LARP6: variants seen among roughly 807,000 people sequenced by gnomAD.
LARP6 encodes the protein la-related protein 6.
In LARP6, 18 loss-of-function variants were observed where a neutral mutation model predicts 32.8. The ratio of observed to expected loss-of-function variants is 0.55; its 90% CI spans 0.38 to 0.81. The LOEUF is 0.81. Ranked by LOEUF, LARP6 falls within the 40% of genes least tolerant of loss-of-function variation. LARP6 has a pLI of 0.00. For synonymous variants in LARP6, 289 were observed against 267.2 expected, an observed-to-expected ratio of 1.08 and a Z score of -0.80; for missense variants, 598 against 663.1, an observed-to-expected ratio of 0.90 and a Z score of 1.08.
In LARP6 at chr15:70,853,960, G is replaced by A; in HGVS notation, c.129C>T (p.Ala43=). Residue 43 remains alanine, a synonymous_variant, in exon 1 of 3, where the codon GCC becomes GCT. Transcript: ENST00000299213. ...DEEEGAETRG[A]GDPARYLSPG... is the part of the protein sequence containing the mutation. ...GGCTGAGGTACCGGGCCGGGTCCCC[G>A]GCGCCCCGAGTCTCCGCCCCCTCCT... 3 of 1,454,244 alleles carry A rather than the reference G, an allele frequency of 2.1e-6. No individual in the cohort carries two copies. The highest frequency in any genetic ancestry group is 2.7e-6 in the Non-Finnish European group (3 of 1,098,384). 90.1% of individuals were successfully genotyped at this position (1,454,244 alleles called of 1,614,324 possible). A position where few individuals can be genotyped will look rare whatever the true frequency, so the allele number is the denominator to read the frequency against.
intron 1 of LARP6, among the ~76,000 whole-genome samples, chr15:70,841,068 C>T (rs2032247615): frequency 6.6e-6 from 1 of 152,098 alleles, no homozygotes; most frequent in Non-Finnish European, 1.5e-5. Context: ...CGCCCGCCAC[C>T]GCGCCCGGCT....
chr15:70,837,395 A>ATAT (rs900807666), intron 1 of LARP6, among the ~76,000 whole-genome samples: 1 of 152,028 alleles, frequency 6.6e-6, no homozygotes, highest in African/African-American at 2.4e-5. Flanking sequence ...AATAATAATA[A>ATAT]TAATAATTAT....
At position 70,832,292 on chromosome 15, in the gene LARP6, G is replaced by A. The variant is rs1250834595; in HGVS notation, c.1236C>T (p.Ile412=). ...GRLNCSTSPE[I]FRKCMDYSSD... is the part of the protein sequence containing the mutation. ...AGGAATAATCCATACACTTGCGGAA[G>A]ATCTCAGGGCTGGTGCTGCAGTTCA... Residue 412 remains isoleucine, a synonymous_variant, in exon 3 of 3, where the codon ATC becomes ATT. Transcript: ENST00000299213. 1 of 1,614,118 alleles carries A rather than the reference G, an allele frequency of 6.2e-7. No individual in the cohort carries two copies. The highest frequency in any genetic ancestry group is 8.5e-7 in the Non-Finnish European group (1 of 1,180,040).
intron 2 of LARP6, among the ~76,000 whole-genome samples, chr15:70,835,665 G>A (rs1259618735): frequency 6.6e-6 from 1 of 152,202 alleles, no homozygotes; most frequent in Non-Finnish European, 1.5e-5. Flanking sequence ...GAGACACAGA[G>A]TTCTTACTCC....
At chr15:70,834,341 A>G (rs184168036) in intron 2 of LARP6, among the ~76,000 whole-genome samples, 2 of 152,306 alleles carry the variant, frequency 1.3e-5, no homozygotes, top group Non-Finnish European at 2.9e-5. Flanking sequence ...GGCACAGAGA[A>G]GCAGGCCCAG....
At position 70,830,100 on chromosome 15, in the gene LARP6, C is replaced by T. The variant is rs1265083744; in HGVS notation, c.*1952G>A. 3 of 152,242 alleles carry T rather than the reference C, an allele frequency of 2.0e-5. No individual in the cohort carries two copies. Among genetic ancestry groups the T allele is most frequent in the Admixed American group, 6.5e-5 (1 of 15,282 alleles). 9.4% of individuals were successfully genotyped at this position (152,242 alleles called of 1,614,324 possible). A position where few individuals can be genotyped will look rare whatever the true frequency, so the allele number is the denominator to read the frequency against. ...GCCCAAGGTCAGGAGTCCTGGTGGTCTAGGCACAAGCCTTCAGGCTACCTA... is the reference window on the plus strand; with the variant it reads ...GCCCAAGGTCAGGAGTCCTGGTGGTTTAGGCACAAGCCTTCAGGCTACCTA... On this transcript the variant is annotated 3_prime_UTR_variant, in exon 3 of 3. Coordinates refer to ENST00000299213, the MANE Select transcript of LARP6 (RefSeq NM_018357.4).
At chr15:70,838,714 A>G (rs901813346) in intron 1 of LARP6, among the ~76,000 whole-genome samples, 3 of 152,220 alleles carry the variant, frequency 2.0e-5, no homozygotes, top group Non-Finnish European at 4.4e-5. Context: ...TTTAGAGAAT[A>G]CTGATTATCC....
intron 1 of LARP6, among the ~76,000 whole-genome samples, chr15:70,840,352 C>T (rs561581573): frequency 1.1e-4 from 16 of 152,208 alleles, no homozygotes; most frequent in South Asian, 8.3e-4. Flanking sequence ...CCAGCCTGGC[C>T]AACATGGTGA....
rs906102589 is a variant in LARP6, at chr15:70,841,001, C to T, written c.201-4496G>A. ...CTGTCTCGGCTCACTGCAAGCTCCGCCTCCTGGGTTCATGCCATTCTCCTG... is the reference window on the plus strand; with the variant it reads ...CTGTCTCGGCTCACTGCAAGCTCCGTCTCCTGGGTTCATGCCATTCTCCTG... On this transcript the variant is annotated intron_variant, in intron 1 of 2. Transcript: ENST00000299213. 5.3e-5 allele frequency among the ~76,000 whole-genome samples: 8 copies of T among 151,756 alleles called. No homozygotes were observed. The East Asian group carries it at 1.4e-3, about 27-fold the overall frequency.
chr15:70,850,059 G>A (rs946100902), intron 1 of LARP6, among the ~76,000 whole-genome samples: 1 of 152,100 alleles, frequency 6.6e-6, no homozygotes, highest in Non-Finnish European at 1.5e-5. Flanking sequence ...AAAATAATTA[G>A]GTGAAAAGTC....
At chr15:70,851,995 T>C (rs2032474804) in intron 1 of LARP6, 2 of 450,400 alleles carry the variant, frequency 4.4e-6, no homozygotes, top group African/African-American at 4.0e-5. Context: ...GTTGACAGCG[T>C]GAACTGTTGA....
chr15:70,838,229 T>C (rs1162843057), intron 1 of LARP6, among the ~76,000 whole-genome samples: 1 of 152,222 alleles, frequency 6.6e-6, no homozygotes, highest in Non-Finnish European at 1.5e-5. Flanking sequence ...TAAGTAAATT[T>C]AGGCAAGGAA....
chr15:70,847,323 AGG>A lies in LARP6; in HGVS notation c.200+6564_200+6565del, dbSNP rs1166158614. Among the ~76,000 whole-genome samples the A allele has an allele frequency of 2.6e-5, 4 of 152,212 alleles. No individual in the cohort carries two copies. In the East Asian group the frequency reaches 7.7e-4, roughly 29 times the overall value. On this transcript the variant is annotated intron_variant, in intron 1 of 2. Coordinates refer to ENST00000299213, the MANE Select transcript of LARP6 (RefSeq NM_018357.4). ...ACCTGTGAGAAATGGGTAGAAATAA[AGG>A]GGTACATTTTAAAACAGGTAATTGG... is the stretch of plus-strand genomic sequence containing the variant.
chr15:70,847,990 T>C (rs2032377976), intron 1 of LARP6, among the ~76,000 whole-genome samples: 1 of 152,038 alleles, frequency 6.6e-6, no homozygotes, highest in South Asian at 2.1e-4. Flanking sequence ...GTCCTGTCTG[T>C]GTGAGATTTC....
intron 1 of LARP6, among the ~76,000 whole-genome samples, chr15:70,838,604 C>T (rs1003215454): frequency 5.3e-5 from 8 of 152,158 alleles, no homozygotes; most frequent in African/African-American, 1.9e-4. Flanking sequence ...TCCCTAAGAT[C>T]ATTAGGTGAT....
chr15:70,832,678 C>G lies in LARP6; in HGVS notation c.850G>C (p.Glu284Gln), dbSNP rs1205642622. Residue 284 changes from glutamate to glutamine, a missense_variant, in exon 3 of 3, where the codon GAG (glutamate) becomes CAG (glutamine). Glu to Gln is a conservative substitution (Grantham distance 29). Transcript: ENST00000299213. ...CCAATCAGGACAGCTTTCATGTTCT[C>G]TTTGCCCTGAGATTCTGTGATCATG... is the stretch of plus-strand genomic sequence containing the variant. The part of the protein sequence containing the change: ...EFMITESQGK[E>Q]NMKAVLIGMK... The G allele has an allele frequency of 1.9e-6, 3 of 1,607,390 alleles. No individual in the cohort carries two copies. The highest frequency in any genetic ancestry group is 2.5e-6 in the Non-Finnish European group (3 of 1,178,136).
chr15:70,838,253 C>T (rs985018554), intron 1 of LARP6, among the ~76,000 whole-genome samples: 18 of 152,180 alleles, frequency 1.2e-4, no homozygotes, highest in African/African-American at 4.1e-4. Context: ...CACTGCATCT[C>T]ACTTCAGTTC....
chr15:70,851,863 GT>G, intron 1 of LARP6: 1 of 1,363,016 alleles, frequency 7.3e-7, no homozygotes, highest in Non-Finnish European at 1.0e-6. Flanking sequence ...AGGCAGCGAA[GT>G]TTTAAAGGCT....
Position 70,829,403 on chromosome 15 carries a change from T to G in LARP6, c.*2649A>C, listed in dbSNP as rs938257202. On this transcript the variant is annotated 3_prime_UTR_variant, in exon 3 of 3. Transcript: ENST00000299213. The stretch of plus-strand genomic sequence containing the variant: ...ATCTGCCCGCCTCAGTCTCCTGAAG[T>G]GCTGGGATTACAGGCGTGAGCCACC... 9.8e-5 allele frequency: 15 copies of G among 152,562 alleles called. No individual in the cohort carries two copies. Among genetic ancestry groups the G allele is most frequent in the African/African-American group, 3.4e-4 (14 of 41,570 alleles). 9.5% of individuals were successfully genotyped at this position (152,562 alleles called of 1,614,324 possible). A position where few individuals can be genotyped will look rare whatever the true frequency, so the allele number is the denominator to read the frequency against.
Sources: gnomAD v4.1 joint callset for allele counts (sites outside exome capture counted in the v4.1 genomes callset) on GRCh38, gnomAD v4.1.1 for gene constraint, MANE v1.5 for transcripts, NCBI Gene and HGNC (gene_info 2026-07-23, HGNC 2026-07-21) for gene names.